IRS2: variants seen among roughly 807,000 people sequenced by gnomAD.
IRS2 encodes insulin receptor substrate 2.
In IRS2, 28 loss-of-function variants were observed where a neutral mutation model predicts 70.9. The ratio of observed to expected loss-of-function variants is 0.39; its 90% CI spans 0.29 to 0.54. The LOEUF is 0.54. Among genes scored for constraint, IRS2 ranks in the 20% least tolerant of loss-of-function variants. IRS2 has a pLI of 0.59. For synonymous variants in IRS2, 1,217 were observed against 981.9 expected, an observed-to-expected ratio of 1.24 and a Z score of -4.48; for missense variants, 2,081 against 2,024.1, an observed-to-expected ratio of 1.03 and a Z score of -0.54.
intron 1 of IRS2, among the ~76,000 whole-genome samples, chr13:109,772,975 G>A (rs1057496578): frequency 3.9e-5 from 6 of 152,106 alleles, no homozygotes; most frequent in East Asian, 1.9e-4. Flanking sequence ...GATTACAGGC[G>A]TGAGCCACCG....
In IRS2 at chr13:109,785,539, C is replaced by G. The variant is rs775473608; in HGVS notation, c.515G>C (p.Gly172Ala). Residue 172 changes from glycine to alanine, a missense_variant, in exon 1 of 2, where the codon GGC (glycine) becomes GCC (alanine). Gly to Ala is a moderately conservative substitution (Grantham distance 60). This residue lies in a region of IRS2 where 320 missense variants were observed against 352.9 expected (regional missense o/e 0.91). Coordinates refer to ENST00000375856, the MANE Select transcript of IRS2 (RefSeq NM_003749.3). The surrounding 1 kb of genome is among the most constrained non-coding windows in gnomAD (Gnocchi z 9.3). ...SCSASLPGALGGSAGAAGAED... is the reference protein window; with the variant it reads ...SCSASLPGALAGSAGAAGAED... Reference sequence around the variant, plus strand: ...GGCCCCGGCGGCGCCGGCAGAGCCGCCCAGGGCGCCGGGCAGGGAGGCGCT... The same window carrying G: ...GGCCCCGGCGGCGCCGGCAGAGCCGGCCAGGGCGCCGGGCAGGGAGGCGCT... 1 of 1,565,504 alleles carries G rather than the reference C, an allele frequency of 6.4e-7. No individual in the cohort carries two copies. The highest frequency in any genetic ancestry group is 8.7e-7 in the Non-Finnish European group (1 of 1,155,756).
At chr13:109,769,381 C>A (rs564951143) in intron 1 of IRS2, among the ~76,000 whole-genome samples, 1 of 152,332 alleles carries the variant, frequency 6.6e-6, no homozygotes, top group Admixed American at 6.5e-5. Flanking sequence ...TCCCTTACTA[C>A]CTCTTTCTCT....
chr13:109,782,525 C>T lies in IRS2; in HGVS notation c.3529G>A (p.Val1177Met), dbSNP rs1877740863. Residue 1177 changes from valine to methionine, a missense_variant, in exon 1 of 2, where the codon GTG (valine) becomes ATG (methionine). Val to Met is a conservative substitution (Grantham distance 21). Coordinates refer to ENST00000375856, the MANE Select transcript of IRS2 (RefSeq NM_003749.3). The part of the protein sequence containing the change: ...HNPKRHNSAS[V>M]ENVSLRKSSE... ...CTTTTCCTGAGAGAGACATTTTCCA[C>T]GGAGGCCGAGTTGTGGCGCTTGGGG... The T allele has an allele frequency of 4.5e-6, 7 of 1,555,932 alleles. No homozygotes were observed. Among genetic ancestry groups the T allele is most frequent in the Non-Finnish European group, 5.2e-6 (6 of 1,150,220 alleles).
intron 1 of IRS2, among the ~76,000 whole-genome samples, chr13:109,770,113 A>G (rs1249398423): frequency 6.6e-6 from 1 of 152,194 alleles, no homozygotes; most frequent in African/African-American, 2.4e-5. Flanking sequence ...TTTCGCCTAC[A>G]CTGGCCACCA....
At position 109,784,990 on chromosome 13, in the gene IRS2, T is replaced by C. The variant is rs1008553994; in HGVS notation, c.1064A>G (p.Lys355Arg). 3.1e-5 allele frequency: 44 copies of C among 1,400,904 alleles called. No individual in the cohort carries two copies. Among genetic ancestry groups the C allele is most frequent in the Non-Finnish European group, 4.0e-5 (43 of 1,083,914 alleles). The allele number at this position is 1,400,904 out of a possible 1,614,324, so 86.8% of individuals were successfully genotyped here. The change falls in exon 1 of 2, where the codon AAG becomes AGG. Residue 355 changes from lysine to arginine, a missense_variant. Around this residue, in one of 4 missense-constraint regions of IRS2, gnomAD observed 111 missense variants for 133.1 expected, o/e 0.83. Coordinates refer to ENST00000375856, the MANE Select transcript of IRS2 (RefSeq NM_003749.3). This position sits in a 1 kb window ranked among gnomAD's most constrained non-coding sequence, Gnocchi z 5.2. Reference sequence around the variant, plus strand: ...GGTGCGCACCCGGCACGAGCTGCACTTGGCCGCCGGCGGGGTGGCGGCCAG... The same window carrying C: ...GGTGCGCACCCGGCACGAGCTGCACCTGGCCGCCGGCGGGGTGGCGGCCAG... ...DSLAATPPAA[K>R]CSSCRVRTAS...
chr13:109,780,022 G>A (rs1326002696), intron 1 of IRS2, among the ~76,000 whole-genome samples: 3 of 152,142 alleles, frequency 2.0e-5, no homozygotes, highest in Non-Finnish European at 2.9e-5. Flanking sequence ...AACGCCTTGC[G>A]TCCCTCCAGG....
rs1346904313 is a variant in IRS2, at chr13:109,783,708, G to A, written c.2346C>T (p.Asp782=). ...CGGGGTGCAGGGCTGCGGAGAAGAA[G>A]TCGGGCGGGGTGCCCGTGGTGACCG... The part of the protein sequence containing the change: ...SDAVTTGTPP[D]FFSAALHPGG... Residue 782 remains aspartate, a synonymous_variant, in exon 1 of 2, where the codon GAC becomes GAT. Transcript: ENST00000375856. 1.9e-6 allele frequency: 3 copies of A among 1,569,122 alleles called. No individual in the cohort carries two copies. The highest frequency in any genetic ancestry group is 2.4e-5 in the East Asian group (1 of 42,218).
rs572372530 is a variant in IRS2 at position 109,756,200 on chromosome 13, C to G, written c.*104G>C. The G allele has an allele frequency of 9.7e-7, 1 of 1,032,796 alleles. No homozygotes were observed. Among genetic ancestry groups the G allele is most frequent in the South Asian group, 1.3e-5 (1 of 77,986 alleles). The allele number at this position is 1,032,796 out of a possible 1,614,324, so 64.0% of individuals were successfully genotyped here. ...TCCAAACACAGTCATTGCTCAGATC[C>G]AAAAGAAAACTGCAAGCAGCTTCGG... On this transcript the variant is annotated 3_prime_UTR_variant, in exon 2 of 2. Transcript: ENST00000375856.
chr13:109,753,977 AC>A lies in IRS2; in HGVS notation c.*2326del, dbSNP rs1383086642. 8.6e-5 allele frequency: 20 copies of A among 232,288 alleles called. No individual in the cohort carries two copies. In the East Asian group the frequency reaches 1.2e-3, roughly 14 times the overall value. The allele number at this position is 232,288 out of a possible 1,614,324, so 14.4% of individuals were successfully genotyped here. On this transcript the variant is annotated 3_prime_UTR_variant, in exon 2 of 2. Transcript: ENST00000375856. ...AGCAGCATCACATTGACCCCTATAT[AC>A]AGCGTGTACAGTGGAAGACAGAGCA...
At chr13:109,780,925 C>T (rs1463942283) in intron 1 of IRS2, among the ~76,000 whole-genome samples, 1 of 152,232 alleles carries the variant, frequency 6.6e-6, no homozygotes, top group Non-Finnish European at 1.5e-5. Flanking sequence ...CCACCAGCTG[C>T]ATTCTGCATC....
chr13:109,760,692 A>G (rs941176885), intron 1 of IRS2, among the ~76,000 whole-genome samples: 6 of 152,324 alleles, frequency 3.9e-5, no homozygotes, highest in Admixed American at 1.3e-4. Context: ...CACTTACAAG[A>G]GCAATCAGAA....
chr13:109,774,335 C>T (rs1877523240), intron 1 of IRS2, among the ~76,000 whole-genome samples: 1 of 152,156 alleles, frequency 6.6e-6, no homozygotes, highest in Admixed American at 6.5e-5. Flanking sequence ...CTAGTAACAT[C>T]ACAGCCTTGA....
At chr13:109,779,338 G>A (rs1282397698) in intron 1 of IRS2, among the ~76,000 whole-genome samples, 1 of 152,250 alleles carries the variant, frequency 6.6e-6, no homozygotes, top group Non-Finnish European at 1.5e-5. Context: ...AGGCAGGGCA[G>A]GGGGCCGCCC....
In IRS2 at chr13:109,783,749, C is replaced by G. The variant is rs1159326546; in HGVS notation, c.2305G>C (p.Val769Leu). The change falls in exon 1 of 2, where the codon GTG (valine) becomes CTG (leucine). Residue 769 changes from valine (V) to leucine (L), a missense_variant. Around this residue, in one of 4 missense-constraint regions of IRS2, gnomAD observed 1,615 missense variants for 1,459.5 expected, o/e 1.11. Coordinates refer to ENST00000375856, the MANE Select transcript of IRS2 (RefSeq NM_003749.3). Reference protein sequence around the residue: ...KLLPNGDYLNVSPSDAVTTGT... With the variant: ...KLLPNGDYLNLSPSDAVTTGT... ...GTGGTGACCGCGTCGCTGGGGGACA[C>G]GTTGAGGTAGTCCCCGTTGGGCAGC... is the stretch of plus-strand genomic sequence containing the variant. 1.3e-6 allele frequency: 2 copies of G among 1,590,408 alleles called. No homozygotes were observed. The highest frequency in any genetic ancestry group is 1.7e-6 in the Non-Finnish European group (2 of 1,168,746).
chr13:109,782,883 G>C lies in IRS2; in HGVS notation c.3171C>G (p.Gly1057=), dbSNP rs781030016. ...ASAVATAQGP[G]AASSLSSDTG... is the part of the protein sequence containing the mutation. ...TGTCCGAGGACAACGATGAGGCGGCGCCCGGGCCCTGGGCGGTGGCAACGG... is the reference window on the plus strand; with the variant it reads ...TGTCCGAGGACAACGATGAGGCGGCCCCCGGGCCCTGGGCGGTGGCAACGG... The change falls in exon 1 of 2, where the codon GGC becomes GGG. Residue 1057 remains glycine, a synonymous_variant. Transcript: ENST00000375856. 2.0e-5 allele frequency: 31 copies of C among 1,565,094 alleles called. No homozygotes were observed. In the South Asian group the frequency reaches 3.3e-4, roughly 17 times the overall value.
intron 1 of IRS2, among the ~76,000 whole-genome samples, chr13:109,765,302 T>C (rs1170621873): frequency 6.6e-6 from 1 of 152,190 alleles, no homozygotes; most frequent in African/African-American, 2.4e-5. Flanking sequence ...ATAAAGTTCA[T>C]TTACTGGAGA....
intron 1 of IRS2, among the ~76,000 whole-genome samples, chr13:109,772,569 C>T (rs1048981226): frequency 2.7e-4 from 41 of 151,896 alleles, no homozygotes; most frequent in Non-Finnish European, 5.9e-4. Flanking sequence ...CGGCGCTCAC[C>T]GTTGGGGGTG....
At chr13:109,773,466 C>T (rs1407730303) in intron 1 of IRS2, among the ~76,000 whole-genome samples, 1 of 152,198 alleles carries the variant, frequency 6.6e-6, no homozygotes, top group African/African-American at 2.4e-5. Context: ...CGAATGCACC[C>T]GCTGACTCAT....
At chr13:109,774,985 G>T (rs575657870) in intron 1 of IRS2, among the ~76,000 whole-genome samples, 1 of 152,124 alleles carries the variant, frequency 6.6e-6, no homozygotes, top group Non-Finnish European at 1.5e-5. Flanking sequence ...CAAGTTGTGG[G>T]ATTATCTGTT....
Sources: gnomAD v4.1 joint callset for allele counts (sites outside exome capture counted in the v4.1 genomes callset) on GRCh38, gnomAD v4.1.1 for gene constraint, gnomAD v4.1.1 regional missense constraint, Gnocchi (gnomAD v3.1) non-coding constraint, MANE v1.5 for transcripts, NCBI Gene and HGNC (gene_info 2026-07-23, HGNC 2026-07-21) for gene names.